Variants in PACSIN2 observed in about 807,000 individuals in gnomAD.
PACSIN2 encodes protein kinase C and casein kinase substrate in neurons 2, also known as protein kinase C and casein kinase substrate in neurons protein 2.
PACSIN2 carries 25 observed loss-of-function variants against 63.8 expected under a neutral mutation model. The observed-to-expected ratio is 0.39, with a 90% CI of 0.29 to 0.55. The LOEUF is 0.55. PACSIN2 is among the 20% of genes least tolerant of loss of function. The probability of loss-of-function intolerance (pLI) is 0.62; values close to 1 mark genes in which losing one functional copy is unlikely to be tolerated. For synonymous variants in PACSIN2, 255 were observed against 256.2 expected, an observed-to-expected ratio of 1.00 and a Z score of 0.05; for missense variants, 518 against 646.9, an observed-to-expected ratio of 0.80 and a Z score of 2.16.
chr22:42,991,532 A>G (rs1246187557), intron 1 of PACSIN2, among the ~76,000 whole-genome samples: 2 of 152,226 alleles, frequency 1.3e-5, no homozygotes, highest in African/African-American at 2.4e-5. Flanking sequence ...TGGCCCAGAG[A>G]AGAAGGAGAG....
At chr22:43,007,365 A>G (rs1924161039) in intron 1 of PACSIN2, among the ~76,000 whole-genome samples, 1 of 151,888 alleles carries the variant, frequency 6.6e-6, no homozygotes, top group African/African-American at 2.4e-5. Flanking sequence ...ACAGTCACAA[A>G]CCACCACGCC....
At chr22:43,010,398 A>ATATATAT in intron 1 of PACSIN2, among the ~76,000 whole-genome samples, 32 of 126,410 alleles carry the variant, frequency 2.5e-4, no homozygotes, top group African/African-American at 6.8e-4. Context: ...ATATATATAT[A>ATATATAT]TTTTTTTTTA....
chr22:42,919,640 G>C lies in PACSIN2; in HGVS notation c.-77-7483C>G, dbSNP rs1932032914. 2.0e-5 allele frequency among the ~76,000 whole-genome samples: 3 copies of C among 151,898 alleles called. No individual in the cohort carries two copies. In the South Asian group the frequency reaches 6.2e-4, roughly 32 times the overall value. The stretch of plus-strand genomic sequence containing the variant: ...ATACAAAAATTAGCTGGGTGTGGTA[G>C]CATGCGCCTGTAATCTCAGCTACTC... On this transcript the variant is annotated intron_variant, in intron 1 of 10. Coordinates refer to ENST00000263246, the MANE Select transcript of PACSIN2 (RefSeq NM_001184970.3).
chr22:42,888,681 G>C lies in PACSIN2; in HGVS notation c.571C>G (p.Gln191Glu), dbSNP rs1350975284. 1 of 1,614,158 alleles carries C rather than the reference G, an allele frequency of 6.2e-7. No individual in the cohort carries two copies. Among genetic ancestry groups the C allele is most frequent in the Admixed American group, 1.7e-5 (1 of 60,008 alleles). Reference sequence around the variant, plus strand: ...TGCTTGCACTTTTCTATTTTGTCTTGCAATTTCTTGAGCTGTTCAGGGTTG... The same window carrying C: ...TGCTTGCACTTTTCTATTTTGTCTTCCAATTTCTTGAGCTGTTCAGGGTTG... The part of the protein sequence containing the change: ...SLNPEQLKKL[Q>E]DKIEKCKQDV... The change falls in exon 5 of 11, where the codon CAA becomes GAA. Residue 191 changes from glutamine to glutamate, a missense_variant. By Grantham distance (29) the Gln-to-Glu change is conservative. Transcript: ENST00000263246.
At chr22:42,968,176 T>C (rs1253170114) in intron 1 of PACSIN2, among the ~76,000 whole-genome samples, 4 of 152,132 alleles carry the variant, frequency 2.6e-5, no homozygotes, top group Non-Finnish European at 4.4e-5. Context: ...ACAAACAGCG[T>C]GACACTGCAA....
chr22:42,872,155 GGGTA>G (rs1371953940), intron 10 of PACSIN2, among the ~76,000 whole-genome samples: 2 of 152,244 alleles, frequency 1.3e-5, no homozygotes, highest in Non-Finnish European at 2.9e-5. Context: ...GCCAGGCCTT[GGGTA>G]GAAGAGGAGA....
At chr22:42,999,240 C>T (rs976915733) in intron 1 of PACSIN2, among the ~76,000 whole-genome samples, 11 of 152,364 alleles carry the variant, frequency 7.2e-5, no homozygotes, top group Middle Eastern at 3.4e-3. Context: ...GCATGCTCCC[C>T]CTCCTGTAAG....
chr22:42,885,235 C>T (rs1208420685), intron 5 of PACSIN2, among the ~76,000 whole-genome samples: 1 of 152,158 alleles, frequency 6.6e-6, no homozygotes, highest in African/African-American at 2.4e-5. Flanking sequence ...AAAGTGGGCA[C>T]ATTCATCTGG....
intron 1 of PACSIN2, among the ~76,000 whole-genome samples, chr22:42,963,455 T>G (rs1256515487): frequency 6.6e-6 from 1 of 152,190 alleles, no homozygotes; most frequent in Non-Finnish European, 1.5e-5. Flanking sequence ...CAGCGGTCAG[T>G]GCAGCTCCAG....
chr22:42,904,433 G>A (rs1424809478), intron 2 of PACSIN2, among the ~76,000 whole-genome samples: 3 of 152,162 alleles, frequency 2.0e-5, no homozygotes, highest in African/African-American at 7.2e-5. Flanking sequence ...TCAGGGAGGC[G>A]CCCCCACTGA....
At position 42,871,958 on chromosome 22, in the gene PACSIN2, C is replaced by T. The variant is rs932932662; in HGVS notation, c.1349-489G>A. Among the ~76,000 whole-genome samples the T allele has an allele frequency of 6.6e-6, 1 of 152,200 alleles. No individual in the cohort carries two copies. On this transcript the variant is annotated intron_variant, in intron 10 of 10. Coordinates refer to ENST00000263246, the MANE Select transcript of PACSIN2 (RefSeq NM_001184970.3). This position sits in a 1 kb window ranked among gnomAD's most constrained non-coding sequence, Gnocchi z 5.4. ...TGCGAGGGGAAGGGACCATGTCTGACAGTCATACCTGTCATTTTATCCCCA... is the reference window on the plus strand; with the variant it reads ...TGCGAGGGGAAGGGACCATGTCTGATAGTCATACCTGTCATTTTATCCCCA...
At chr22:42,971,141 A>C (rs565414670) in intron 1 of PACSIN2, among the ~76,000 whole-genome samples, 1 of 152,326 alleles carries the variant, frequency 6.6e-6, no homozygotes, top group South Asian at 2.1e-4. Context: ...GCCGAGCCAA[A>C]GCTGGACTGT....
intron 5 of PACSIN2, among the ~76,000 whole-genome samples, chr22:42,885,890 G>C (rs559102726): frequency 6.6e-6 from 1 of 152,296 alleles, no homozygotes; most frequent in South Asian, 2.1e-4. Flanking sequence ...CCACAGCGCT[G>C]TGGCTATTCC....
intron 1 of PACSIN2, among the ~76,000 whole-genome samples, chr22:43,010,398 A>ATATATATATATTTTT: frequency 8.7e-5 from 11 of 126,396 alleles, no homozygotes; most frequent in African/African-American, 2.3e-4. Context: ...ATATATATAT[A>ATATATATATATTTTT]TTTTTTTTTA....
intron 1 of PACSIN2, chr22:42,993,769 TG>T (rs1487336858): frequency 6.6e-6 from 1 of 152,234 alleles, no homozygotes; most frequent in African/African-American, 2.4e-5. Flanking sequence ...ACATCCGACC[TG>T]GCAGTTCCTC....
chr22:42,967,160 G>T (rs546111659), intron 1 of PACSIN2, among the ~76,000 whole-genome samples: 234 of 152,238 alleles, frequency 1.5e-3, no homozygotes, highest in African/African-American at 5.3e-3. Flanking sequence ...AGGGGGCCAG[G>T]AAGAGATGTG....
chr22:42,907,610 C>T (rs1931167405), intron 2 of PACSIN2, among the ~76,000 whole-genome samples: 1 of 152,244 alleles, frequency 6.6e-6, no homozygotes, highest in Admixed American at 6.5e-5. Context: ...GGTCGGCGTG[C>T]GTGGAGGCGG....
At chr22:43,007,524 T>A (rs943202120) in intron 1 of PACSIN2, among the ~76,000 whole-genome samples, 2 of 152,184 alleles carry the variant, frequency 1.3e-5, no homozygotes, top group Non-Finnish European at 2.9e-5. Context: ...CCACTCCTTG[T>A]TCTTCAGAGC....
At chr22:42,915,401 C>A (rs1297265556) in intron 1 of PACSIN2, among the ~76,000 whole-genome samples, 1 of 152,168 alleles carries the variant, frequency 6.6e-6, no homozygotes. Flanking sequence ...GGGAAAGGCC[C>A]ATACTTATTC....
Sources: gnomAD v4.1 joint callset for allele counts (sites outside exome capture counted in the v4.1 genomes callset) on GRCh38, gnomAD v4.1.1 for gene constraint, Gnocchi (gnomAD v3.1) non-coding constraint, MANE v1.5 for transcripts, NCBI Gene and HGNC (gene_info 2026-07-23, HGNC 2026-07-21) for gene names.